Variants in FAAP100 observed in about 807,000 individuals in gnomAD.
The protein encoded by FAAP100 is Fanconi anemia core complex-associated protein 100.
A neutral mutation model predicts 65.8 loss-of-function variants in FAAP100; 46 were observed. The observed-to-expected ratio is 0.70, with a 90% CI of 0.55 to 0.89. FAAP100 has a LOEUF of 0.89. Among genes scored for constraint, FAAP100 ranks in the 40% least tolerant of loss-of-function variants. The probability of loss-of-function intolerance (pLI) is 0.00; values close to 1 mark genes in which losing one functional copy is unlikely to be tolerated. For missense variants in FAAP100, 1,165 were observed against 1,196.7 expected (o/e 0.97, Z 0.39); for synonymous variants, 663 against 555.1 (o/e 1.19, Z -2.73).
chr17:81,552,020 G>A lies in FAAP100; in HGVS notation c.198C>T (p.His66=). 1 of 1,552,870 alleles carries A rather than the reference G, an allele frequency of 6.4e-7. No individual in the cohort carries two copies. The highest frequency in any genetic ancestry group is 8.6e-7 in the Non-Finnish European group (1 of 1,159,810). Residue 66 remains histidine, a synonymous_variant, in exon 2 of 9, where the codon CAC becomes CAT. Transcript: ENST00000327787. ...ACCTGCGCGGCGCCAGCAGCTCCAG[G>A]TGCCACACCTGGTCGGGGAACCGGA... ...AAFRFPDQVW[H]LELLAPRRLL...
At position 81,550,452 on chromosome 17, in the gene FAAP100, G is replaced by A. The variant is rs891453308; in HGVS notation, c.1042C>T (p.Leu348Phe). Residue 348 changes from leucine (L) to phenylalanine (F), a missense_variant, in exon 3 of 9, where the codon CTC (leucine) becomes TTC (phenylalanine). Coordinates refer to ENST00000327787, the MANE Select transcript of FAAP100 (RefSeq NM_025161.6). ...CCACCCCCGCCACAGGCAGCGCAGA[G>A]CACAGGGCCTGGGAGGCAGTACTCC... Reference protein sequence around the residue: ...LREYCLPGPVLCAACGGGGRV... With the variant: ...LREYCLPGPVFCAACGGGGRV... The A allele has an allele frequency of 6.2e-7, 1 of 1,612,648 alleles. No homozygotes were observed. The highest frequency in any genetic ancestry group is 2.2e-5 in the East Asian group (1 of 44,882).
chr17:81,540,696 C>T lies in FAAP100; in HGVS notation c.*123G>A, dbSNP rs2033058014. The T allele has an allele frequency of 2.3e-6, 3 of 1,285,364 alleles. No individual in the cohort carries two copies. In the Admixed American group the frequency reaches 9.7e-5, roughly 42 times the overall value. 79.6% of individuals were successfully genotyped at this position (1,285,364 alleles called of 1,614,324 possible). A position where few individuals can be genotyped will look rare whatever the true frequency, so the allele number is the denominator to read the frequency against. ...CATGAGCGTTCTGCTCCTACGTGGC[C>T]AGGTCCTACCTTCCCTGACGGCTCT... On this transcript the variant is annotated 3_prime_UTR_variant, in exon 9 of 9. Transcript: ENST00000327787.
Position 81,540,612 on chromosome 17 carries a change from C to A in FAAP100, c.*207G>T. ...GAAGCTGGACCGGCCAGGTTCAGAG[C>A]CCGCCTCGGTTGCTCCCAATCAGAA... On this transcript the variant is annotated 3_prime_UTR_variant, in exon 9 of 9. Transcript: ENST00000327787. The A allele has an allele frequency of 1.6e-6, 1 of 639,332 alleles. No individual in the cohort carries two copies. Among genetic ancestry groups the A allele is most frequent in the East Asian group, 3.1e-5 (1 of 31,770 alleles). 39.6% of individuals were successfully genotyped at this position (639,332 alleles called of 1,614,324 possible).
chr17:81,542,834 G>A (rs1173974372), intron 7 of FAAP100, among the ~76,000 whole-genome samples: 2 of 152,228 alleles, frequency 1.3e-5, no homozygotes, highest in Admixed American at 6.5e-5. Context: ...CCCAGGGGCT[G>A]GAGCTCTGCT....
Position 81,550,403 on chromosome 17 carries a change from G to A in FAAP100, c.1091C>T (p.Ser364Phe), listed in dbSNP as rs1241475815. The A allele has an allele frequency of 6.2e-7, 1 of 1,612,762 alleles. No individual in the cohort carries two copies. Among genetic ancestry groups the A allele is most frequent in the African/African-American group, 1.3e-5 (1 of 75,054 alleles). ...AGACAGATCCACCACACAGAGGTCA[G>A]AAGGGGTGCTGTGGTACACGCGGCC... The part of the protein sequence containing the change: ...GGGRVYHSTP[S>F]DLCVVDLSRG... The change falls in exon 3 of 9, where the codon TCT becomes TTT. Residue 364 changes from serine to phenylalanine, a missense_variant. Transcript: ENST00000327787.
intron 7 of FAAP100, among the ~76,000 whole-genome samples, chr17:81,541,628 TTTGG>T (rs1198542966): frequency 6.6e-6 from 1 of 152,150 alleles, no homozygotes; most frequent in Non-Finnish European, 1.5e-5. Context: ...AGCGAACTCG[TTTGG>T]TTCTTTTCTC....
intron 7 of FAAP100, among the ~76,000 whole-genome samples, chr17:81,542,748 T>G (rs1568091379): frequency 6.6e-6 from 1 of 152,150 alleles, no homozygotes; most frequent in South Asian, 2.1e-4. Flanking sequence ...CTGCAGATGA[T>G]CAAGATGAGG....
chr17:81,543,965 C>T (rs754877244), intron 7 of FAAP100, 39 bp downstream of exon 7: 1 of 1,567,452 alleles, frequency 6.4e-7, no homozygotes, highest in East Asian at 2.2e-5. Context: ...AGTGAGCGAC[C>T]CACAGATCCT....
Position 81,550,767 on chromosome 17 carries a change from A to C in FAAP100, c.727T>G (p.Cys243Gly), listed in dbSNP as rs756274486. The change falls in exon 3 of 9, where the codon TGT (cysteine) becomes GGT (glycine). Residue 243 changes from cysteine (C) to glycine (G), a missense_variant. Physicochemically the swap from Cys to Gly is radical, Grantham distance 159 (BLOSUM62 -3). Transcript: ENST00000327787. Reference protein sequence around the residue: ...ATLLQSPVVLCGLPDGQLCCV... With the variant: ...ATLLQSPVVLGGLPDGQLCCV... ...CAGAGCTGGCCATCAGGGAGACCAC[A>C]GAGGACCACAGGTGACTGCAGGAGG... 1 of 1,612,530 alleles carries C rather than the reference A, an allele frequency of 6.2e-7. No individual in the cohort carries two copies. The highest frequency in any genetic ancestry group is 1.7e-5 in the Admixed American group (1 of 59,996).
At position 81,547,312 on chromosome 17, in the gene FAAP100, G is replaced by C; in HGVS notation, c.1770C>G (p.Gly590=). The part of the protein sequence containing the change: ...VTLPLGPGEN[G]GLDLPVTVSC... ...ACACGGTCACGGGCAGGTCGAGCCC[G>C]CCGTTCTCACCAGGGCCCAGGGGTA... Residue 590 remains glycine, a synonymous_variant, in exon 5 of 9, where the codon GGC becomes GGG. Coordinates refer to ENST00000327787, the MANE Select transcript of FAAP100 (RefSeq NM_025161.6). The C allele has an allele frequency of 6.2e-7, 1 of 1,612,454 alleles. No individual in the cohort carries two copies. Among genetic ancestry groups the C allele is most frequent in the Non-Finnish European group, 8.5e-7 (1 of 1,179,766 alleles).
intron 4 of FAAP100, 115 bp downstream of exon 4, chr17:81,549,091 T>C: frequency 2.1e-6 from 2 of 937,894 alleles, no homozygotes; most frequent in Non-Finnish European, 3.0e-6. Flanking sequence ...AGTAATGGCC[T>C]GGCCTGGACC....
intron 4 of FAAP100, 104 bp downstream of exon 4, chr17:81,549,102 G>T: frequency 8.4e-7 from 1 of 1,185,888 alleles, no homozygotes; most frequent in Non-Finnish European, 1.2e-6. Flanking sequence ...GGCCTGGACC[G>T]TTGCCACCCG....
rs750220813 is a variant in FAAP100, at chr17:81,547,226, G to C, written c.1856C>G (p.Ser619Cys). 1 of 1,577,442 alleles carries C rather than the reference G, an allele frequency of 6.3e-7. No homozygotes were observed. The highest frequency in any genetic ancestry group is 8.6e-7 in the Non-Finnish European group (1 of 1,158,992). Residue 619 changes from serine (S) to cysteine (C), a missense_variant, in exon 5 of 9, where the codon TCT becomes TGT. By Grantham distance (112) the Ser-to-Cys change is moderately radical. Coordinates refer to ENST00000327787, the MANE Select transcript of FAAP100 (RefSeq NM_025161.6). Reference sequence around the variant, plus strand: ...GCACTCATCCAGAAAGGGGTCCTCAGAGTCTGAGGGGGCAAGGGCCCCGCC... The same window carrying C: ...GCACTCATCCAGAAAGGGGTCCTCACAGTCTGAGGGGGCAAGGGCCCCGCC... ...VVGGALAPSD[S>C]EDPFLDECPS...
At position 81,541,383 on chromosome 17, in the gene FAAP100, C is replaced by G. The variant is rs754927886; in HGVS notation, c.2440G>C (p.Glu814Gln). Residue 814 changes from glutamate to glutamine, a missense_variant, in exon 8 of 9, where the codon GAG becomes CAG. Transcript: ENST00000327787. ...VVGRMQTMVT[E>Q]QATQGSSAPD... ...GCGCTGGAGCCCTGGGTGGCCTGCT[C>G]TGTCACCATCGTCTGGGGGACACAG... 1.1e-5 allele frequency: 18 copies of G among 1,609,010 alleles called. No individual in the cohort carries two copies. Among genetic ancestry groups the G allele is most frequent in the Non-Finnish European group, 6.8e-6 (8 of 1,178,264 alleles).
Position 81,550,696 on chromosome 17 carries a change from A to G in FAAP100, c.798T>C (p.Gly266=). The change falls in exon 3 of 9, where the codon GGT becomes GGC. Residue 266 remains glycine (G), a synonymous_variant. Coordinates refer to ENST00000327787, the MANE Select transcript of FAAP100 (RefSeq NM_025161.6). The part of the protein sequence containing the change: ...KALVTSRSAP[G]DPNALVKILH... ...GGATCTTGACAAGGGCATTTGGGTC[A>G]CCAGGGGCTGACCTGGAGGTGACCA... 6.2e-7 allele frequency: 1 copy of G among 1,613,012 alleles called. No homozygotes were observed. The highest frequency in any genetic ancestry group is 8.5e-7 in the Non-Finnish European group (1 of 1,180,020).
At chr17:81,548,003 G>A (rs1221100373) in intron 4 of FAAP100, 2 of 700,226 alleles carry the variant, frequency 2.9e-6, no homozygotes, top group African/African-American at 3.5e-5. Context: ...CCCACATCTG[G>A]GCCACGCAGG....
Position 81,552,231 on chromosome 17 carries a change from C to T in FAAP100, c.100G>A (p.Glu34Lys), listed in dbSNP as rs2033523138. 2 of 1,497,502 alleles carry T rather than the reference C, an allele frequency of 1.3e-6. No individual in the cohort carries two copies. Among genetic ancestry groups the T allele is most frequent in the South Asian group, 1.2e-5 (1 of 80,100 alleles). 92.8% of individuals were successfully genotyped at this position (1,497,502 alleles called of 1,614,324 possible). The change falls in exon 1 of 9, where the codon GAG becomes AAG. Residue 34 changes from glutamate (E) to lysine (K), a missense_variant. By Grantham distance (56) the Glu-to-Lys change is moderately conservative. Coordinates refer to ENST00000327787, the MANE Select transcript of FAAP100 (RefSeq NM_025161.6). ...TCGCTCCCGGTGGACAGGAAGACCT[C>T]TGCCTCATGGCACAGCACGCGGGGC... is the stretch of plus-strand genomic sequence containing the variant. Reference protein sequence around the residue: ...GKPRVLCHEAEVFLSTGSELV... With the variant: ...GKPRVLCHEAKVFLSTGSELV...
Position 81,550,876 on chromosome 17 carries a change from C to G in FAAP100, c.618G>C (p.Arg206Ser). Residue 206 changes from arginine to serine, a missense_variant, in exon 3 of 9, where the codon AGG (arginine) becomes AGC (serine). Coordinates refer to ENST00000327787, the MANE Select transcript of FAAP100 (RefSeq NM_025161.6). ...AGCCCCCGAGGAGGTCGTGCGGGAC[C>G]CTGGAGCCTGATGGTGACACAGAGC... is the stretch of plus-strand genomic sequence containing the variant. ...VLCSVSPSGS[R>S]VPHDLLGGSG... 1 of 1,612,460 alleles carries G rather than the reference C, an allele frequency of 6.2e-7. No individual in the cohort carries two copies.
Position 81,551,164 on chromosome 17 carries a change from G to A in FAAP100, c.330C>T (p.Asp110=), listed in dbSNP as rs1275519517. Residue 110 remains aspartate (D), a synonymous_variant, in exon 3 of 9, where the codon GAC becomes GAT. Transcript: ENST00000327787. ...CCACAGGGATCACGGGGGAAGGCTG[G>A]TCACCGTCCTCGCTGTCCCTGTCAT... The part of the protein sequence containing the change: ...SQDDRDSEDG[D]QPSPVIPVDP... 3 of 1,541,436 alleles carry A rather than the reference G, an allele frequency of 1.9e-6. No individual in the cohort carries two copies. The highest frequency in any genetic ancestry group is 3.9e-5 in the Admixed American group (2 of 50,692).
Sources: gnomAD v4.1 joint callset for allele counts (sites outside exome capture counted in the v4.1 genomes callset) on GRCh38, gnomAD v4.1.1 for gene constraint, MANE v1.5 for transcripts, NCBI Gene and HGNC (gene_info 2026-07-23, HGNC 2026-07-21) for gene names.